CYP1A2: variants seen among roughly 807,000 people sequenced by gnomAD.
The protein encoded by CYP1A2 is cytochrome P450 1A2.
In CYP1A2, 35 loss-of-function variants were observed where a neutral mutation model predicts 34.7. The ratio of observed to expected loss-of-function variants is 1.01; its 90% confidence interval spans 0.77 to 1.34. The LOEUF (loss-of-function observed/expected upper bound fraction) is 1.34, where lower values mean the gene tolerates loss of function less well. Ranked by LOEUF, CYP1A2 falls within the 40% of genes most tolerant of loss-of-function variation. The pLI is 0.00. For missense variants in CYP1A2, 675 were observed against 675.8 expected, an observed-to-expected ratio of 1.00 and a Z score of 0.01; for synonymous variants, 288 against 281.9, an observed-to-expected ratio of 1.02 and a Z score of -0.22.
Position 74,750,225 on chromosome 15 carries a change from G to T in CYP1A2, c.487G>T (p.Glu163Ter). 1 of 1,614,182 alleles carries T rather than the reference G, an allele frequency of 6.2e-7. No individual in the cohort carries two copies. Among genetic ancestry groups the T allele is most frequent in the Non-Finnish European group, 8.5e-7 (1 of 1,180,038 alleles). ...PASSSSCYLE[E>*]HVSKEAKALI... ...TTCCTCATCCTCCTGCTACCTGGAG[G>T]AGCATGTGAGCAAGGAGGCTAAGGC... is the stretch of plus-strand genomic sequence containing the variant. The change falls in exon 2 of 7, where the codon GAG becomes TAG. Residue 163 changes from glutamate (E) to a stop codon, truncating the protein, a stop_gained. Transcript: ENST00000343932. LOFTEE classifies it high-confidence loss of function.
rs2063332837 is a variant in CYP1A2 at position 74,755,198 on chromosome 15, G to A, written c.*110G>A. On this transcript the variant is annotated 3_prime_UTR_variant, in exon 7 of 7. Coordinates refer to ENST00000343932, the MANE Select transcript of CYP1A2 (RefSeq NM_000761.5). ...TAAAAAATAGCAGCTTTAGCCAAGT[G>A]CAGGGCCTGTAATCCCAGCATTTTA... The A allele has an allele frequency of 2.4e-6, 3 of 1,245,248 alleles. No homozygotes were observed. In the African/African-American group the frequency reaches 4.5e-5, roughly 19 times the overall value. 77.1% of individuals were successfully genotyped at this position (1,245,248 alleles called of 1,614,324 possible).
chr15:74,749,564 A>T (rs139171646), intron 1 of CYP1A2, among the ~76,000 whole-genome samples, 166 bp from the exon 2 acceptor site: 2 of 152,242 alleles, frequency 1.3e-5, no homozygotes, highest in South Asian at 2.1e-4. Context: ...TCAAAGGGTG[A>T]GCTCTGTGGG....
chr15:74,749,896 A>T lies in CYP1A2; in HGVS notation c.158A>T (p.His53Leu), dbSNP rs762906326. The T allele has an allele frequency of 3.7e-6, 6 of 1,610,084 alleles. No homozygotes were observed. The highest frequency in any genetic ancestry group is 5.1e-6 in the Non-Finnish European group (6 of 1,177,018). ...CCATGGGGCTGGCCCTTGCTCGGGC[A>T]TGTGCTGACCCTGGGGAAGAACCCG... ...PEPWGWPLLG[H>L]VLTLGKNPHL... Residue 53 changes from histidine (H) to leucine (L), a missense_variant, in exon 2 of 7, where the codon CAT becomes CTT. Transcript: ENST00000343932.
Position 74,751,907 on chromosome 15 carries a change from G to A in CYP1A2, c.1042+53G>A, listed in dbSNP as rs34711134. 2.3e-3 allele frequency: 3,575 copies of A among 1,588,584 alleles called. 9 individuals are homozygous for A. Among genetic ancestry groups the A allele is most frequent in the Non-Finnish European group, 2.9e-3 (3,352 of 1,161,622 alleles). The stretch of plus-strand genomic sequence containing the variant: ...CAGGAGAAGCCTTGAGACCCAGGTT[G>A]TTTGTTCAGTCTACAAACACCTGTT... On this transcript the variant is annotated intron_variant, in intron 4 of 6. Coordinates refer to ENST00000343932, the MANE Select transcript of CYP1A2 (RefSeq NM_000761.5).
At chr15:74,753,778 TGGTTCC>T (rs1307220114) in intron 6 of CYP1A2, among the ~76,000 whole-genome samples, 1 of 151,284 alleles carries the variant, frequency 6.6e-6, no homozygotes. Flanking sequence ...TTACAGGTGA[TGGTTCC>T]CCCAGGATTC....
chr15:74,754,836 C>A lies in CYP1A2; in HGVS notation c.1299C>A (p.Leu433=). ...CTGAGTTCCGGCCTGAGCGGTTCCTCACCGCCGATGGCACTGCCATTAACA... is the reference window on the plus strand; with the variant it reads ...CTGAGTTCCGGCCTGAGCGGTTCCTAACCGCCGATGGCACTGCCATTAACA... ...DPSEFRPERF[L]TADGTAINKP... is the part of the protein sequence containing the mutation. Residue 433 remains leucine (L), a synonymous_variant, in exon 7 of 7, where the codon CTC becomes CTA. Transcript: ENST00000343932. 2 of 1,614,152 alleles carry A rather than the reference C, an allele frequency of 1.2e-6. No individual in the cohort carries two copies. The highest frequency in any genetic ancestry group is 8.5e-7 in the Non-Finnish European group (1 of 1,180,014).
In CYP1A2 at chr15:74,749,997, G is replaced by A; in HGVS notation, c.259G>A (p.Val87Met). 6.2e-7 allele frequency: 1 copy of A among 1,614,082 alleles called. No homozygotes were observed. The highest frequency in any genetic ancestry group is 1.3e-5 in the African/African-American group (1 of 75,048). Reference protein sequence around the residue: ...QIRIGSTPVLVLSRLDTIRQA... With the variant: ...QIRIGSTPVLMLSRLDTIRQA... Reference sequence around the variant, plus strand: ...CCGCATTGGCTCCACGCCCGTGCTGGTGCTGAGCCGCCTGGACACCATCCG... The same window carrying A: ...CCGCATTGGCTCCACGCCCGTGCTGATGCTGAGCCGCCTGGACACCATCCG... The change falls in exon 2 of 7, where the codon GTG becomes ATG. Residue 87 changes from valine to methionine, a missense_variant. Val to Met is a conservative substitution (Grantham distance 21, BLOSUM62 1). Transcript: ENST00000343932.
chr15:74,751,891 C>T (rs746283059), intron 4 of CYP1A2, 37 bp downstream of exon 4: 2 of 1,601,932 alleles, frequency 1.2e-6, no homozygotes, highest in Admixed American at 1.7e-5. Context: ...CCAGGAGAAG[C>T]CTTGAGACCC....
At position 74,752,188 on chromosome 15, in the gene CYP1A2, G is replaced by T. The variant is rs2063318959; in HGVS notation, c.1107G>T (p.Glu369Asp). Residue 369 changes from glutamate to aspartate, a missense_variant, in exon 5 of 7, where the codon GAG becomes GAT. Coordinates refer to ENST00000343932, the MANE Select transcript of CYP1A2 (RefSeq NM_000761.5). ...ACAGACCCCAGCTGCCCTACTTGGA[G>T]GCCTTCATCCTGGAGACCTTCCGAC... Reference protein sequence around the residue: ...LSDRPQLPYLEAFILETFRHS... With the variant: ...LSDRPQLPYLDAFILETFRHS... 6.2e-6 allele frequency: 10 copies of T among 1,614,072 alleles called. No homozygotes were observed. Among genetic ancestry groups the T allele is most frequent in the Non-Finnish European group, 8.5e-6 (10 of 1,179,990 alleles).
chr15:74,753,378 C>T, intron 6 of CYP1A2, 108 bp downstream of exon 6: 2 of 821,962 alleles, frequency 2.4e-6, no homozygotes, highest in East Asian at 2.8e-5. Context: ...ACCTCAATTG[C>T]TATAGTCTGC....
rs1198300390 is a variant in CYP1A2 at position 74,756,521 on chromosome 15, C to A, written c.*1433C>A. ...TAGCCTGCCTCCCCTGCCTCACCAG[C>A]CCTGGCAACTGCTAATCTACTTTCT... is the stretch of plus-strand genomic sequence containing the variant. On this transcript the variant is annotated 3_prime_UTR_variant, in exon 7 of 7. Coordinates refer to ENST00000343932, the MANE Select transcript of CYP1A2 (RefSeq NM_000761.5). 6.6e-6 allele frequency among the ~76,000 whole-genome samples: 1 copy of A among 152,170 alleles called. No individual in the cohort carries two copies. The highest frequency in any genetic ancestry group is 1.5e-5 in the Non-Finnish European group (1 of 68,044).
intron 5 of CYP1A2, 28 bp from the exon 6 acceptor site, chr15:74,753,156 G>A (rs1176194136): frequency 1.3e-6 from 2 of 1,599,716 alleles, no homozygotes; most frequent in African/African-American, 2.7e-5. Context: ...CCAGCCCTGA[G>A]CCTCACAGTG....
Position 74,754,778 on chromosome 15 carries a change from G to C in CYP1A2, c.1254-13G>C. The C allele has an allele frequency of 6.2e-7, 1 of 1,605,500 alleles. No homozygotes were observed. Among genetic ancestry groups the C allele is most frequent in the Non-Finnish European group, 8.5e-7 (1 of 1,172,702 alleles). On this transcript the variant is annotated splice_polypyrimidine_tract_variant and intron_variant, in intron 6 of 6. Transcript: ENST00000343932. Reference sequence around the variant, plus strand: ...CCAGCCCTGAGGTCCCATCTCCTCTGTTCCTCTTGCAGAGAGCTGTGGGAG... The same window carrying C: ...CCAGCCCTGAGGTCCCATCTCCTCTCTTCCTCTTGCAGAGAGCTGTGGGAG...
chr15:74,750,470 C>G lies in CYP1A2; in HGVS notation c.732C>G (p.Tyr244Ter). The G allele has an allele frequency of 6.2e-7, 1 of 1,614,234 alleles. No homozygotes were observed. The highest frequency in any genetic ancestry group is 8.5e-7 in the Non-Finnish European group (1 of 1,180,042). The change falls in exon 2 of 7, where the codon TAC (tyrosine) becomes TAG (stop). Residue 244 changes from tyrosine (Y) to a stop codon, truncating the protein, a stop_gained. Transcript: ENST00000343932. LOFTEE classifies it high-confidence loss of function. ...NPLDFFPILR[Y>*]LPNPALQRFK... The stretch of plus-strand genomic sequence containing the variant: ...TGGACTTCTTCCCCATCCTTCGCTA[C>G]CTGCCTAACCCTGCCCTGCAGAGGT...
At chr15:74,754,761 G>A in intron 6 of CYP1A2, 30 bp from the exon 7 acceptor site, 2 of 1,594,926 alleles carry the variant, frequency 1.3e-6, no homozygotes, top group East Asian at 4.5e-5. Flanking sequence ...CTCCAGCCCT[G>A]AGGTCCCATC....
chr15:74,756,438 T>C lies in CYP1A2; in HGVS notation c.*1350T>C, dbSNP rs963672641. Reference sequence around the variant, plus strand: ...CCGGCCCACAATTAATTTTAGAACATTTTCATCACCCCTAAAAGAAACCCT... The same window carrying C: ...CCGGCCCACAATTAATTTTAGAACACTTTCATCACCCCTAAAAGAAACCCT... On this transcript the variant is annotated 3_prime_UTR_variant, in exon 7 of 7. Transcript: ENST00000343932. Among the ~76,000 whole-genome samples, 47 of 152,048 alleles carry C rather than the reference T, an allele frequency of 3.1e-4. No individual in the cohort carries two copies. The highest frequency in any genetic ancestry group is 8.9e-4 in the African/African-American group (37 of 41,474).
In CYP1A2 at chr15:74,755,238, G is replaced by A; in HGVS notation, c.*150G>A. ...CCAGCATTTTAGGAGGCCAAGGTTG[G>A]AGGATCATTTGAGCCCAGGAATTGG... On this transcript the variant is annotated 3_prime_UTR_variant, in exon 7 of 7. Transcript: ENST00000343932. 1.1e-6 allele frequency: 1 copy of A among 884,926 alleles called. No homozygotes were observed. The highest frequency in any genetic ancestry group is 1.7e-6 in the Non-Finnish European group (1 of 601,302). The allele number at this position is 884,926 out of a possible 1,614,324, so 54.8% of individuals were successfully genotyped here. A position where few individuals can be genotyped will look rare whatever the true frequency, so the allele number is the denominator to read the frequency against.
chr15:74,754,677 T>C (rs1596359208), intron 6 of CYP1A2, 114 bp from the exon 7 acceptor site: 1 of 977,858 alleles, frequency 1.0e-6, no homozygotes, highest in Non-Finnish European at 1.5e-6. Flanking sequence ...CTACCCTTCA[T>C]TGCTTTCAAA....
chr15:74,750,606 A>G, intron 2 of CYP1A2, 37 bp downstream of exon 2: 2 of 1,554,622 alleles, frequency 1.3e-6, no homozygotes, highest in South Asian at 2.2e-5. Flanking sequence ...GGCACCTTGC[A>G]GGGCCTGGGT....
Sources: gnomAD v4.1 joint callset for allele counts (sites outside exome capture counted in the v4.1 genomes callset) on GRCh38, gnomAD v4.1.1 for gene constraint, MANE v1.5 for transcripts, NCBI Gene and HGNC (gene_info 2026-07-23, HGNC 2026-07-21) for gene names.